GOLGA1: variants seen among roughly 807,000 people sequenced by gnomAD.
GOLGA1 encodes golgin A1, also known as golgin subfamily A member 1.
Under a neutral mutation model 119.7 loss-of-function variants are expected in GOLGA1, and 63 were observed. That is an observed-to-expected ratio of 0.53 (90% CI 0.43 to 0.65). The LOEUF is 0.65. Ranked by LOEUF, GOLGA1 falls within the 30% of genes least tolerant of loss-of-function variation. GOLGA1 has a pLI of 0.00. For missense variants in GOLGA1, 798 were observed against 912.8 expected (o/e 0.87, Z 1.62); for synonymous variants, 318 against 333.4 (o/e 0.95, Z 0.50).
chr9:124,938,669 C>A lies in GOLGA1; in HGVS notation c.43G>T (p.Val15Phe). 6.2e-7 allele frequency: 1 copy of A among 1,613,336 alleles called. No individual in the cohort carries two copies. The highest frequency in any genetic ancestry group is 8.5e-7 in the Non-Finnish European group (1 of 1,179,400). The part of the protein sequence containing the change: ...LKKKIAEETA[V>F]AQRPGGATRI... Reference sequence around the variant, plus strand: ...GTAGCACCTCCTGGCCTCTGAGCAACAGCAGTCTCTTCTGCAATTTTCTTC... The same window carrying A: ...GTAGCACCTCCTGGCCTCTGAGCAAAAGCAGTCTCTTCTGCAATTTTCTTC... Residue 15 changes from valine (V) to phenylalanine (F), a missense_variant, in exon 3 of 23, where the codon GTT becomes TTT. Transcript: ENST00000373555.
rs141961382 is a variant in GOLGA1, at chr9:124,881,794, C to T, written c.2126G>A (p.Arg709His). 2.5e-5 allele frequency: 40 copies of T among 1,609,228 alleles called. No homozygotes were observed. Among genetic ancestry groups the T allele is most frequent in the African/African-American group, 8.0e-5 (6 of 74,722 alleles). Reference sequence around the variant, plus strand: ...TCAAAAGCCCTTTACCTCGGATTCGCGACAAGACATGAATTTTAAAACCAC... The same window carrying T: ...TCAAAAGCCCTTTACCTCGGATTCGTGACAAGACATGAATTTTAAAACCAC... Reference protein sequence around the residue: ...KHVVLKFMSCRESEAFHLIKA... With the variant: ...KHVVLKFMSCHESEAFHLIKA... The change falls in exon 21 of 23, where the codon CGC becomes CAC. Residue 709 changes from arginine (R) to histidine (H), a missense_variant. Arg to His is a conservative substitution (Grantham distance 29). Transcript: ENST00000373555. This position sits in a 1 kb window ranked among gnomAD's most constrained non-coding sequence, Gnocchi z 4.9.
intron 12 of GOLGA1, among the ~76,000 whole-genome samples, chr9:124,904,930 C>CAA (rs1271739590): frequency 2.1e-5 from 3 of 142,592 alleles, no homozygotes; most frequent in African/African-American, 7.8e-5. Flanking sequence ...GGCTACAGAG[C>CAA]CAGACTCTGT....
At chr9:124,935,863 G>C (rs772681688) in intron 3 of GOLGA1, among the ~76,000 whole-genome samples, 4 of 152,012 alleles carry the variant, frequency 2.6e-5, no homozygotes, top group Non-Finnish European at 5.9e-5. Context: ...ATACCTCCAG[G>C]GTTTCTGGCT....
At position 124,889,147 on chromosome 9, in the gene GOLGA1, G is replaced by A. The variant is rs1303345740; in HGVS notation, c.1757C>T (p.Ser586Leu). The change falls in exon 18 of 23, where the codon TCG becomes TTG. Residue 586 changes from serine (S) to leucine (L), a missense_variant. Ser to Leu is a moderately radical substitution (Grantham distance 145). Coordinates refer to ENST00000373555, the MANE Select transcript of GOLGA1 (RefSeq NM_002077.4). ...GCAGGTGCAGCTGGGACTTACGTGC[G>A]ACTCATTGACTGAGAGTGCTTCGGC... is the stretch of plus-strand genomic sequence containing the variant. ...LQAEALSVNESHVTSRAMQDP... is the reference protein window; with the variant it reads ...LQAEALSVNELHVTSRAMQDP... 1.9e-6 allele frequency: 3 copies of A among 1,607,640 alleles called. No homozygotes were observed. The highest frequency in any genetic ancestry group is 1.7e-6 in the Non-Finnish European group (2 of 1,177,132).
upstream of GOLGA1, chr9:124,942,781 T>C (rs1238830354): frequency 6.6e-6 from 1 of 152,200 alleles, no homozygotes; most frequent in Non-Finnish European, 1.5e-5. Flanking sequence ...TCAAATATTC[T>C]CTAATCTCGT....
chr9:124,920,988 A>T (rs1322731306), intron 10 of GOLGA1, 141 bp downstream of exon 10: 4 of 626,282 alleles, frequency 6.4e-6, no homozygotes, highest in Admixed American at 2.7e-5. Flanking sequence ...ATCTGAGTGC[A>T]GCCTGGCTAG....
rs774574267 is a variant in GOLGA1 at position 124,888,330 on chromosome 9, C to T, written c.1828G>A (p.Glu610Lys). The change falls in exon 19 of 23, where the codon GAG becomes AAG. Residue 610 changes from glutamate to lysine, a missense_variant. Glu to Lys is a moderately conservative substitution (Grantham distance 56, BLOSUM62 1). Coordinates refer to ENST00000373555, the MANE Select transcript of GOLGA1 (RefSeq NM_002077.4). The surrounding 1 kb of genome is among the most constrained non-coding windows in gnomAD (Gnocchi z 4.4). Reference protein sequence around the residue: ...LPTAGRTPNGEVGAMDLTQLQ... With the variant: ...LPTAGRTPNGKVGAMDLTQLQ... ...TGTGTGAGATCCATGGCCCCAACCT[C>T]ACCATTTGGTGTTCTTCCTGCAGTT... The T allele has an allele frequency of 1.2e-6, 2 of 1,613,956 alleles. No homozygotes were observed. The highest frequency in any genetic ancestry group is 1.7e-5 in the Admixed American group (1 of 60,020).
chr9:124,908,758 T>C (rs997307234), intron 11 of GOLGA1, among the ~76,000 whole-genome samples: 3 of 152,244 alleles, frequency 2.0e-5, no homozygotes, highest in Non-Finnish European at 2.9e-5. Flanking sequence ...AGATACTCCC[T>C]GCCACAGGGC....
At chr9:124,933,748 G>C (rs933574653) in intron 3 of GOLGA1, among the ~76,000 whole-genome samples, 7 of 152,140 alleles carry the variant, frequency 4.6e-5, no homozygotes, top group Admixed American at 2.0e-4. Context: ...AGTAGGCAGA[G>C]GGTGTTCACA....
rs769667098 is a variant in GOLGA1, at chr9:124,898,654, CAGA to C, written c.1312-13_1312-11del. On this transcript the variant is annotated splice_polypyrimidine_tract_variant and intron_variant, in intron 14 of 22. Coordinates refer to ENST00000373555, the MANE Select transcript of GOLGA1 (RefSeq NM_002077.4). Reference sequence around the variant, plus strand: ...CTTGCTCCAGTTGTCTCTGCCAATTCAGAAGAACACATATAAAAGAAGTCTTCA... The same window carrying C: ...CTTGCTCCAGTTGTCTCTGCCAATTCAGAACACATATAAAAGAAGTCTTCA... 4.4e-5 allele frequency: 66 copies of C among 1,514,814 alleles called. No homozygotes were observed. The highest frequency in any genetic ancestry group is 5.4e-5 in the Non-Finnish European group (59 of 1,090,798). 93.8% of individuals were successfully genotyped at this position (1,514,814 alleles called of 1,614,324 possible). A position where few individuals can be genotyped will look rare whatever the true frequency, so the allele number is the denominator to read the frequency against.
At chr9:124,882,434 G>C in intron 20 of GOLGA1, 76 bp downstream of exon 20, 1 of 1,064,668 alleles carries the variant, frequency 9.4e-7, no homozygotes, top group East Asian at 2.4e-5. Flanking sequence ...CAGGCGGCGA[G>C]GGACCTCAGG....
chr9:124,924,585 C>T (rs556830963), intron 7 of GOLGA1, among the ~76,000 whole-genome samples: 3 of 147,104 alleles, frequency 2.0e-5, no homozygotes, highest in African/African-American at 7.6e-5. Context: ...TGAGCTATGA[C>T]TGTGCCACTG....
chr9:124,889,217 C>T lies in GOLGA1; in HGVS notation c.1687G>A (p.Val563Ile). 2 of 1,613,410 alleles carry T rather than the reference C, an allele frequency of 1.2e-6. No homozygotes were observed. The highest frequency in any genetic ancestry group is 1.7e-6 in the Non-Finnish European group (2 of 1,179,944). The change falls in exon 18 of 23, where the codon GTC becomes ATC. Residue 563 changes from valine (V) to isoleucine (I), a missense_variant. Coordinates refer to ENST00000373555, the MANE Select transcript of GOLGA1 (RefSeq NM_002077.4). The part of the protein sequence containing the change: ...RTLKAEEAAV[V>I]AEQEDLLRLR... ...CTCAGCAGGTCCTCCTGCTCCGCGA[C>T]CACTGCAGCCTCCTCCGCCTTGAGG...
chr9:124,889,146 C>G lies in GOLGA1; in HGVS notation c.1758G>C (p.Ser586=), dbSNP rs772337517. ...LQAEALSVNE[S]HVTSRAMQDP... The stretch of plus-strand genomic sequence containing the variant: ...TGCAGGTGCAGCTGGGACTTACGTG[C>G]GACTCATTGACTGAGAGTGCTTCGG... Residue 586 remains serine, a synonymous_variant, in exon 18 of 23, where the codon TCG becomes TCC. Transcript: ENST00000373555. 3 of 1,606,658 alleles carry G rather than the reference C, an allele frequency of 1.9e-6. No individual in the cohort carries two copies. The Admixed American group carries it at 5.0e-5, about 27-fold the overall frequency.
Position 124,879,482 on chromosome 9 carries a change from C to G in GOLGA1, c.*1048G>C, listed in dbSNP as rs774892335. 3.3e-5 allele frequency: 5 copies of G among 151,856 alleles called. No individual in the cohort carries two copies. The highest frequency in any genetic ancestry group is 2.1e-4 in the South Asian group (1 of 4,810). 9.4% of individuals were successfully genotyped at this position (151,856 alleles called of 1,614,324 possible). A position where few individuals can be genotyped will look rare whatever the true frequency, so the allele number is the denominator to read the frequency against. The stretch of plus-strand genomic sequence containing the variant: ...AGCTCCACAGACAAGGCAGACTGCC[C>G]CAGTGTCTCCATCGAGGCTGGGGGA... On this transcript the variant is annotated 3_prime_UTR_variant, in exon 23 of 23. Transcript: ENST00000373555.
intron 10 of GOLGA1, among the ~76,000 whole-genome samples, chr9:124,919,435 G>C (rs1830517946): frequency 6.6e-6 from 1 of 152,158 alleles, no homozygotes; most frequent in African/African-American, 2.4e-5. Context: ...TAAAAAGCCT[G>C]TATCACAGTC....
At chr9:124,923,361 T>A in intron 7 of GOLGA1, 138 bp from the exon 8 acceptor site, 2 of 652,380 alleles carry the variant, frequency 3.1e-6, no homozygotes, top group Non-Finnish European at 5.2e-6. Context: ...GGCCTTGAAC[T>A]CCTGGGCTCA....
upstream of GOLGA1, chr9:124,944,476 T>TTTC (rs994293884): frequency 1.3e-5 from 2 of 148,320 alleles, no homozygotes; most frequent in Non-Finnish European, 2.9e-5. Context: ...ATTTTTTTTT[T>TTTC]TTTTTTTTTT....
intron 11 of GOLGA1, among the ~76,000 whole-genome samples, chr9:124,911,196 C>T (rs989569905): frequency 1.3e-5 from 2 of 152,184 alleles, no homozygotes; most frequent in Non-Finnish European, 2.9e-5. Flanking sequence ...GAGACTGATG[C>T]TGGGTAGGCC....
Sources: gnomAD v4.1 joint callset for allele counts (sites outside exome capture counted in the v4.1 genomes callset) on GRCh38, gnomAD v4.1.1 for gene constraint, Gnocchi (gnomAD v3.1) non-coding constraint, MANE v1.5 for transcripts, NCBI Gene and HGNC (gene_info 2026-07-23, HGNC 2026-07-21) for gene names.